TBC1D32: variants seen among roughly 807,000 people sequenced by gnomAD.
TBC1D32 encodes TBC1 domain family member 32.
TBC1D32 carries 151 observed loss-of-function variants against 170.3 expected under a neutral mutation model. The observed-to-expected ratio is 0.89, with a 90% CI of 0.78 to 1.01. The LOEUF is 1.01. TBC1D32 is among the 50% of genes least tolerant of loss of function. TBC1D32 has a pLI of 0.00. For synonymous variants in TBC1D32, 498 were observed against 488.0 expected (o/e 1.02, Z -0.27); for missense variants, 1,464 against 1,457.1 (o/e 1.00, Z -0.08).
chr6:121,270,643 C>T (rs550004083), intron 15 of TBC1D32, among the ~76,000 whole-genome samples: 3 of 152,222 alleles, frequency 2.0e-5, no homozygotes, highest in Non-Finnish European at 4.4e-5. Context: ...AAAAAAAGTC[C>T]AGGACCAGAC....
intron 20 of TBC1D32, among the ~76,000 whole-genome samples, chr6:121,228,762 T>G (rs893721983): frequency 6.6e-6 from 1 of 152,134 alleles, no homozygotes; most frequent in African/African-American, 2.4e-5. Context: ...AAATGGTTAA[T>G]AGTGGTATTC....
In TBC1D32 at chr6:121,123,604, T is replaced by G. The variant is rs115644880; in HGVS notation, c.2983+2774A>C. Among the ~76,000 whole-genome samples the G allele has an allele frequency of 6.3e-3, 954 of 152,166 alleles. 11 individuals carry two copies. The highest frequency in any genetic ancestry group is 0.022 in the African/African-American group (895 of 41,552). ...GCATAAAATATCTTTTTCCATTACT[T>G]CATTTTCAGTCTATGTGAGTCTTGA... On this transcript the variant is annotated intron_variant, in intron 26 of 31. Coordinates refer to ENST00000398212, the MANE Select transcript of TBC1D32 (RefSeq NM_152730.6).
intron 24 of TBC1D32, among the ~76,000 whole-genome samples, chr6:121,154,696 G>T (rs1263023913): frequency 6.6e-6 from 1 of 152,148 alleles, no homozygotes; most frequent in Non-Finnish European, 1.5e-5. Flanking sequence ...ATTGATAAGT[G>T]CAACCTAATT....
At chr6:121,262,426 TATCTCAGCAA>T (rs1332134942) in intron 15 of TBC1D32, among the ~76,000 whole-genome samples, 3 of 151,000 alleles carry the variant, frequency 2.0e-5, no homozygotes, top group African/African-American at 7.3e-5. Context: ...TAATAGCAGA[TATCTCAGCAA>T]AAAATCTATA....
intron 20 of TBC1D32, among the ~76,000 whole-genome samples, chr6:121,229,803 C>A (rs1795511242): frequency 6.6e-6 from 1 of 152,096 alleles, no homozygotes. Context: ...ACCCAAATCT[C>A]ATCTCAAATT....
intron 15 of TBC1D32, among the ~76,000 whole-genome samples, chr6:121,276,213 T>C (rs189518618): frequency 4.6e-5 from 7 of 151,782 alleles, no homozygotes; most frequent in Admixed American, 3.9e-4. Flanking sequence ...TTGGTGATTA[T>C]AGTTTATGAA....
In TBC1D32 at chr6:121,321,655, T is replaced by C. The variant is rs1315505213; in HGVS notation, c.295A>G (p.Lys99Glu). 8 of 1,612,916 alleles carry C rather than the reference T, an allele frequency of 5.0e-6. No individual in the cohort carries two copies. The highest frequency in any genetic ancestry group is 6.8e-6 in the Non-Finnish European group (8 of 1,179,678). ...CACTCTTTAGATTCTTGAGTTCTTT[T>C]AGTGACCTGCTGTACAACTGTATCA... is the stretch of plus-strand genomic sequence containing the variant. ...GYDTVVQQVT[K>E]RTQESKEYKE... Residue 99 changes from lysine to glutamate, a missense_variant, in exon 2 of 32, where the codon AAA becomes GAA. Lys to Glu is a moderately conservative substitution (Grantham distance 56). Coordinates refer to ENST00000398212, the MANE Select transcript of TBC1D32 (RefSeq NM_152730.6).
At chr6:121,156,143 C>CTT (rs200378071) in intron 24 of TBC1D32, among the ~76,000 whole-genome samples, 16 of 137,884 alleles carry the variant, frequency 1.2e-4, no homozygotes, top group Admixed American at 2.1e-4. Context: ...TGGTCCCAGG[C>CTT]TTTTTTTTTT....
intron 1 of TBC1D32, among the ~76,000 whole-genome samples, chr6:121,331,411 G>C (rs1811200974): frequency 6.6e-6 from 1 of 151,460 alleles, no homozygotes; most frequent in African/African-American, 2.4e-5. Flanking sequence ...GTAGAGACAG[G>C]GTTTCACCAT....
intron 20 of TBC1D32, among the ~76,000 whole-genome samples, chr6:121,234,879 G>A (rs977405273): frequency 1.3e-5 from 2 of 152,146 alleles, no homozygotes; most frequent in Non-Finnish European, 2.9e-5. Context: ...AAGGGCTGCT[G>A]TTCAGATTCT....
intron 22 of TBC1D32, among the ~76,000 whole-genome samples, chr6:121,191,224 G>A (rs1789970397): frequency 6.6e-6 from 1 of 152,116 alleles, no homozygotes. Flanking sequence ...GCACACATAT[G>A]TATCTTACTT....
intron 24 of TBC1D32, among the ~76,000 whole-genome samples, chr6:121,140,091 T>C (rs1190274758): frequency 1.3e-5 from 2 of 152,086 alleles, no homozygotes; most frequent in African/African-American, 4.8e-5. Context: ...AGATGCAATA[T>C]AGTGGCTTAG....
At chr6:121,181,619 T>G (rs1562799040) in intron 22 of TBC1D32, among the ~76,000 whole-genome samples, 1 of 152,010 alleles carries the variant, frequency 6.6e-6, no homozygotes, top group Non-Finnish European at 1.5e-5. Context: ...GCAATCCCAC[T>G]GCTGGGTATA....
At chr6:121,299,707 T>C (rs77080033) in intron 9 of TBC1D32, among the ~76,000 whole-genome samples, 2 of 151,988 alleles carry the variant, frequency 1.3e-5, no homozygotes, top group Admixed American at 1.3e-4. Flanking sequence ...TCAAAAAACT[T>C]GCAGATCATT....
intron 25 of TBC1D32, chr6:121,130,048 T>C: frequency 5.7e-6 from 2 of 348,584 alleles, no homozygotes; most frequent in Non-Finnish European, 5.5e-6. Flanking sequence ...AAGAAGACTC[T>C]TATATAAGAA....
At chr6:121,222,046 C>G (rs934228298) in intron 21 of TBC1D32, among the ~76,000 whole-genome samples, 1 of 152,162 alleles carries the variant, frequency 6.6e-6, no homozygotes, top group Non-Finnish European at 1.5e-5. Flanking sequence ...CCACCCCAGC[C>G]CACAACAACC....
intron 3 of TBC1D32, among the ~76,000 whole-genome samples, chr6:121,312,394 ATTAAT>A (rs1808344953): frequency 6.6e-6 from 1 of 152,186 alleles, no homozygotes; most frequent in Non-Finnish European, 1.5e-5. Context: ...AAAAAAGTCT[ATTAAT>A]TCTTTTTTTA....
intron 22 of TBC1D32, among the ~76,000 whole-genome samples, chr6:121,161,609 G>A (rs531377763): frequency 5.3e-5 from 8 of 152,112 alleles, no homozygotes; most frequent in East Asian, 1.9e-4. Flanking sequence ...TGTTGATTCC[G>A]TGTCTTTGCT....
At chr6:121,244,939 A>G (rs1049843522) in intron 17 of TBC1D32, among the ~76,000 whole-genome samples, 1 of 152,220 alleles carries the variant, frequency 6.6e-6, no homozygotes, top group African/African-American at 2.4e-5. Flanking sequence ...AAGCAAACTT[A>G]AAACTCACTG....
Sources: gnomAD v4.1 joint callset for allele counts (sites outside exome capture counted in the v4.1 genomes callset) on GRCh38, gnomAD v4.1.1 for gene constraint, MANE v1.5 for transcripts, NCBI Gene and HGNC (gene_info 2026-07-23, HGNC 2026-07-21) for gene names.